Variants in THRB observed in about 807,000 individuals in gnomAD.
The protein encoded by THRB is nuclear receptor subfamily 1 group A member 2.
In THRB, 12 loss-of-function variants were observed where a neutral mutation model predicts 47.8. The ratio of observed to expected loss-of-function variants is 0.25; its 90% CI spans 0.16 to 0.41. THRB has a LOEUF of 0.41. Ranked by LOEUF, THRB falls within the 10% of genes least tolerant of loss-of-function variation. The pLI is 1.00. For synonymous variants in THRB, 218 were observed against 212.2 expected (o/e 1.03, Z -0.24); for missense variants, 348 against 589.2 (o/e 0.59, Z 4.24).
At chr3:24,384,053 T>G (rs1421151245) in intron 1 of THRB, among the ~76,000 whole-genome samples, 2 of 152,132 alleles carry the variant, frequency 1.3e-5, no homozygotes, top group East Asian at 3.9e-4. Flanking sequence ...TTTGGTTACC[T>G]TTTTAGTTTG....
chr3:24,341,958 A>T (rs1379807700), intron 1 of THRB, among the ~76,000 whole-genome samples: 1 of 152,176 alleles, frequency 6.6e-6, no homozygotes, highest in African/African-American at 2.4e-5. Flanking sequence ...CCTAGCTGAC[A>T]TACAGCTGAC....
chr3:24,340,152 A>G (rs1355201347), intron 1 of THRB, among the ~76,000 whole-genome samples: 1 of 152,226 alleles, frequency 6.6e-6, no homozygotes, highest in East Asian at 1.9e-4. Flanking sequence ...GTTATTTATA[A>G]ATGGCTCTTT....
intron 2 of THRB, among the ~76,000 whole-genome samples, chr3:24,324,288 T>TTCTA (rs2058673553): frequency 6.6e-6 from 1 of 151,702 alleles, no homozygotes; most frequent in Non-Finnish European, 1.5e-5. Flanking sequence ...ATTCATTCAT[T>TTCTA]TCCATCCATC....
At chr3:24,208,304 C>T (rs2045625139) in intron 4 of THRB, among the ~76,000 whole-genome samples, 1 of 152,266 alleles carries the variant, frequency 6.6e-6, no homozygotes, top group South Asian at 2.1e-4. Context: ...ATGCCATCCC[C>T]ATCAAGCTAC....
chr3:24,357,847 A>G (rs2063796147), intron 1 of THRB, among the ~76,000 whole-genome samples: 1 of 152,076 alleles, frequency 6.6e-6, no homozygotes, highest in South Asian at 2.1e-4. Flanking sequence ...CTTTTCATAC[A>G]CTTCCGTCAT....
Position 24,120,227 on chromosome 3 carries a change from G to T in THRB, c.*2657C>A, listed in dbSNP as rs964080139. ...GGCCTTTCCTTTCAACCTGAAGGTG[G>T]GCTAAGGCTTGTCCTACTCCGCATG... On this transcript the variant is annotated 3_prime_UTR_variant, in exon 11 of 11. Coordinates refer to ENST00000646209, the MANE Select transcript of THRB (RefSeq NM_001354712.2). 7.2e-5 allele frequency: 11 copies of T among 152,142 alleles called. No individual in the cohort carries two copies. The highest frequency in any genetic ancestry group is 2.7e-4 in the African/African-American group (11 of 41,420). The allele number at this position is 152,142 out of a possible 1,614,324, so 9.4% of individuals were successfully genotyped here.
rs187483996 is a variant in THRB, at chr3:24,412,906, G to A, written c.-260-75535C>T. Reference sequence around the variant, plus strand: ...GAATAATATTCCATTTAAAATATGTGAGAAAAAAATCTAATTGTATTAATG... The same window carrying A: ...GAATAATATTCCATTTAAAATATGTAAGAAAAAAATCTAATTGTATTAATG... On this transcript the variant is annotated intron_variant, in intron 1 of 10. Coordinates refer to ENST00000646209, the MANE Select transcript of THRB (RefSeq NM_001354712.2). 2.0e-4 allele frequency among the ~76,000 whole-genome samples: 30 copies of A among 151,762 alleles called. No individual in the cohort carries two copies. The Middle Eastern group carries it at 0.017, about 86-fold the overall frequency.
rs2068155167 is a variant in THRB, at chr3:24,410,075, C to T, written c.-260-72704G>A. On this transcript the variant is annotated intron_variant, in intron 1 of 10. Coordinates refer to ENST00000646209, the MANE Select transcript of THRB (RefSeq NM_001354712.2). Reference sequence around the variant, plus strand: ...AAGAGCCTGAAACTGAATATCTATTCATTACCAGAATATACTACCAACACT... The same window carrying T: ...AAGAGCCTGAAACTGAATATCTATTTATTACCAGAATATACTACCAACACT... Among the ~76,000 whole-genome samples, 3 of 151,950 alleles carry T rather than the reference C, an allele frequency of 2.0e-5. No individual in the cohort carries two copies. In the East Asian group the frequency reaches 5.9e-4, roughly 30 times the overall value.
At chr3:24,165,400 A>G in intron 5 of THRB, 1 of 723,148 alleles carries the variant, frequency 1.4e-6, no homozygotes. Flanking sequence ...CACACAGTCT[A>G]CGCATGCATT....
At chr3:24,476,355 A>C (rs1354739252) in intron 1 of THRB, among the ~76,000 whole-genome samples, 2 of 152,138 alleles carry the variant, frequency 1.3e-5, no homozygotes, top group Admixed American at 1.3e-4. Context: ...TTAACACAAA[A>C]GTTTTACTAT....
At chr3:24,405,361 C>T (rs923457973) in intron 1 of THRB, among the ~76,000 whole-genome samples, 3 of 151,970 alleles carry the variant, frequency 2.0e-5, no homozygotes, top group South Asian at 4.1e-4. Context: ...TGTCTATGGC[C>T]GCTTTTGAAT....
At chr3:24,253,633 T>C (rs1370367360) in intron 3 of THRB, among the ~76,000 whole-genome samples, 2 of 152,164 alleles carry the variant, frequency 1.3e-5, no homozygotes, top group Non-Finnish European at 2.9e-5. Flanking sequence ...CACATGGGGC[T>C]GTGGAAAGAG....
chr3:24,368,479 G>A (rs1269541830), intron 1 of THRB, among the ~76,000 whole-genome samples: 5 of 152,142 alleles, frequency 3.3e-5, no homozygotes, highest in Non-Finnish European at 5.9e-5. Flanking sequence ...TAGATACAAA[G>A]CAAAGAAGAC....
intron 1 of THRB, among the ~76,000 whole-genome samples, chr3:24,436,199 A>T (rs1454149786): frequency 6.6e-6 from 1 of 151,920 alleles, no homozygotes; most frequent in Non-Finnish European, 1.5e-5. Flanking sequence ...CCTAAGGGAG[A>T]TCCAAAGAGA....
intron 7 of THRB, among the ~76,000 whole-genome samples, chr3:24,145,168 T>C (rs2035931921): frequency 2.0e-5 from 3 of 151,814 alleles, no homozygotes; most frequent in South Asian, 4.2e-4. Flanking sequence ...CCAGGGACTG[T>C]TGTATTTGAT....
intron 3 of THRB, among the ~76,000 whole-genome samples, chr3:24,274,655 C>T (rs1224166646): frequency 6.6e-6 from 1 of 151,900 alleles, no homozygotes; most frequent in East Asian, 1.9e-4. Context: ...ATATGACATA[C>T]AAAGCAGCTC....
In THRB at chr3:24,190,350, A is replaced by G. The variant is rs756919237; in HGVS notation, c.23-16T>C. On this transcript the variant is annotated splice_polypyrimidine_tract_variant and intron_variant, in intron 4 of 10. Transcript: ENST00000646209. ...AGGCCATTTTCTAAAGGGTTGAAAA[A>G]CACGAGATGACGAGCTGTTGGCATT... The G allele has an allele frequency of 1.2e-6, 2 of 1,613,930 alleles. No individual in the cohort carries two copies. Among genetic ancestry groups the G allele is most frequent in the Non-Finnish European group, 1.7e-6 (2 of 1,179,902 alleles).
intron 8 of THRB, among the ~76,000 whole-genome samples, chr3:24,134,013 G>A (rs574715000): frequency 6.6e-6 from 1 of 152,308 alleles, no homozygotes; most frequent in African/African-American, 2.4e-5. Context: ...TGAGGGTTGA[G>A]GGGGAAGATT....
intron 1 of THRB, among the ~76,000 whole-genome samples, chr3:24,484,939 GA>G (rs1697070115): frequency 6.6e-6 from 1 of 152,112 alleles, no homozygotes; most frequent in Non-Finnish European, 1.5e-5. Flanking sequence ...TTAATTAGGT[GA>G]TATTTCCATA....
Sources: gnomAD v4.1 joint callset for allele counts (sites outside exome capture counted in the v4.1 genomes callset) on GRCh38, gnomAD v4.1.1 for gene constraint, MANE v1.5 for transcripts, NCBI Gene and HGNC (gene_info 2026-07-23, HGNC 2026-07-21) for gene names.